Variants in DSCAM observed in about 807,000 individuals in gnomAD.
The protein encoded by DSCAM is DS cell adhesion molecule, also known as cell adhesion molecule DSCAM.
DSCAM carries 47 observed loss-of-function variants against 217.7 expected under a neutral mutation model. The observed-to-expected ratio is 0.22, with a 90% CI of 0.17 to 0.28. DSCAM has a LOEUF of 0.28. Ranked by LOEUF, DSCAM falls within the 10% of genes least tolerant of loss-of-function variation. The pLI, the probability that DSCAM is intolerant of heterozygous loss-of-function variation, is 1.00. For missense variants in DSCAM, 2,080 were observed against 2,618.3 expected (o/e 0.79, Z 4.49); for synonymous variants, 1,056 against 1,015.3 (o/e 1.04, Z -0.76).
chr21:40,468,310 G>A (rs980578658), intron 3 of DSCAM, among the ~76,000 whole-genome samples: 2 of 152,092 alleles, frequency 1.3e-5, no homozygotes, highest in African/African-American at 2.4e-5. Flanking sequence ...CTCCTCAATC[G>A]ATTGAGACCT....
In DSCAM at chr21:40,577,000, TA is replaced by T. The variant is rs59503954; in HGVS notation, c.508+115809del. 1.3e-3 allele frequency among the ~76,000 whole-genome samples: 182 copies of T among 140,140 alleles called. 1 individual carries two copies. The highest frequency in any genetic ancestry group is 2.5e-3 in the African/African-American group (96 of 38,922). The allele number at this position is 140,140 out of a possible 152,430, so 91.9% of individuals were successfully genotyped here. A position where few individuals can be genotyped will look rare whatever the true frequency, so the allele number is the denominator to read the frequency against. On this transcript the variant is annotated intron_variant, in intron 3 of 32. Coordinates refer to ENST00000400454, the MANE Select transcript of DSCAM (RefSeq NM_001389.5). ...CCCTAAAAGTATAATAACAATAAAA[TA>T]AAAAAAAAAATAAGATGCAAATTGG...
chr21:40,164,534 A>G (rs2090573110), intron 16 of DSCAM, among the ~76,000 whole-genome samples: 1 of 152,174 alleles, frequency 6.6e-6, no homozygotes, highest in South Asian at 2.1e-4. Flanking sequence ...GTGGTAGCTC[A>G]CGCCTGTAAT....
intron 3 of DSCAM, among the ~76,000 whole-genome samples, chr21:40,502,111 G>A (rs918609444): frequency 9.2e-5 from 14 of 152,030 alleles, no homozygotes; most frequent in Admixed American, 3.3e-4. Context: ...ACCTCTAACT[G>A]AAATTTATCA....
At chr21:40,787,487 G>A (rs935508247) in intron 1 of DSCAM, among the ~76,000 whole-genome samples, 3 of 152,120 alleles carry the variant, frequency 2.0e-5, no homozygotes, top group Non-Finnish European at 2.9e-5. Context: ...AAAGATGCAC[G>A]TCCCTCATAA....
At chr21:40,137,147 C>G (rs1386704607) in intron 18 of DSCAM, among the ~76,000 whole-genome samples, 1 of 142,512 alleles carries the variant, frequency 7.0e-6, no homozygotes, top group Non-Finnish European at 1.5e-5. Context: ...TGCACTCCAG[C>G]CTGGGCGACA....
At chr21:40,098,207 A>T (rs1313765628) in intron 20 of DSCAM, among the ~76,000 whole-genome samples, 1 of 152,184 alleles carries the variant, frequency 6.6e-6, no homozygotes, top group African/African-American at 2.4e-5. Context: ...TCATCAAGAG[A>T]ACATAACAAT....
intron 11 of DSCAM, among the ~76,000 whole-genome samples, chr21:40,251,613 A>T (rs1021447448): frequency 1.3e-5 from 2 of 152,112 alleles, no homozygotes; most frequent in Admixed American, 1.3e-4. Flanking sequence ...GACAGTTCCT[A>T]AGAAACACCC....
intron 3 of DSCAM, among the ~76,000 whole-genome samples, chr21:40,373,801 T>G (rs894494913): frequency 6.6e-6 from 1 of 152,234 alleles, no homozygotes; most frequent in Non-Finnish European, 1.5e-5. Context: ...TGGAAGCCAG[T>G]GGATCTGAAC....
At chr21:40,386,493 C>T (rs1005041724) in intron 3 of DSCAM, among the ~76,000 whole-genome samples, 1 of 152,168 alleles carries the variant, frequency 6.6e-6, no homozygotes, top group East Asian at 1.9e-4. Context: ...ACACTCGGTG[C>T]CCCCTGCTGG....
At chr21:40,709,590 TTTGC>T (rs1191351906) in intron 1 of DSCAM, among the ~76,000 whole-genome samples, 1 of 152,114 alleles carries the variant, frequency 6.6e-6, no homozygotes, top group African/African-American at 2.4e-5. Flanking sequence ...ACACGCGGTG[TTTGC>T]TTTTCTGTTC....
intron 10 of DSCAM, among the ~76,000 whole-genome samples, chr21:40,287,162 ACAGTGTGATCTGCAGGGTCTTCTG>A (rs1476047275): frequency 7.1e-6 from 1 of 141,668 alleles, no homozygotes; most frequent in Non-Finnish European, 1.5e-5. Context: ...AGTGTGATCC[ACAGTGTGATCTGCAGGGTCTTCTG>A]CAGTGTGATC....
At chr21:40,079,405 G>T (rs1201430107) in intron 25 of DSCAM, among the ~76,000 whole-genome samples, 1 of 152,158 alleles carries the variant, frequency 6.6e-6, no homozygotes. Flanking sequence ...TTGGTGCCCA[G>T]GGACCTAAAG....
At chr21:40,549,796 G>A (rs1431690946) in intron 3 of DSCAM, among the ~76,000 whole-genome samples, 1 of 152,208 alleles carries the variant, frequency 6.6e-6, no homozygotes, top group Non-Finnish European at 1.5e-5. Context: ...TGAAATGGTG[G>A]TGATGAACAA....
intron 3 of DSCAM, among the ~76,000 whole-genome samples, chr21:40,557,628 C>A (rs2076682568): frequency 6.6e-6 from 1 of 152,304 alleles, no homozygotes; most frequent in Middle Eastern, 3.4e-3. Flanking sequence ...AGCCACCATG[C>A]CCAGCTGCTT....
intron 3 of DSCAM, among the ~76,000 whole-genome samples, chr21:40,666,817 A>G (rs754713792): frequency 6.6e-6 from 1 of 152,204 alleles, no homozygotes; most frequent in Non-Finnish European, 1.5e-5. Flanking sequence ...GACTCCACAG[A>G]CTACTTCAAA....
intron 17 of DSCAM, among the ~76,000 whole-genome samples, 197 bp from the exon 18 acceptor site, chr21:40,142,901 G>A (rs2090310295): frequency 6.6e-6 from 1 of 152,206 alleles, no homozygotes; most frequent in Non-Finnish European, 1.5e-5. Flanking sequence ...AATATCATGA[G>A]TCAATGCATA....
chr21:40,582,289 A>T (rs2076911439), intron 3 of DSCAM, among the ~76,000 whole-genome samples: 1 of 152,226 alleles, frequency 6.6e-6, no homozygotes. Context: ...TATTATTTTT[A>T]AAATGCATCC....
chr21:40,132,208 C>G (rs2090160950), intron 19 of DSCAM, among the ~76,000 whole-genome samples: 1 of 152,134 alleles, frequency 6.6e-6, no homozygotes, highest in South Asian at 2.1e-4. Context: ...CTGTGGCAAG[C>G]AGGTGTTTTC....
intron 27 of DSCAM, among the ~76,000 whole-genome samples, chr21:40,074,020 A>G (rs1028309046): frequency 2.0e-5 from 3 of 152,210 alleles, no homozygotes; most frequent in African/African-American, 7.2e-5. Context: ...AGAATTCCAT[A>G]AAAAGCAGTG....
Sources: gnomAD v4.1 joint callset for allele counts (sites outside exome capture counted in the v4.1 genomes callset) on GRCh38, gnomAD v4.1.1 for gene constraint, MANE v1.5 for transcripts, NCBI Gene and HGNC (gene_info 2026-07-23, HGNC 2026-07-21) for gene names.